Variants in PRKCA observed in about 807,000 individuals in gnomAD.
The protein encoded by PRKCA is protein kinase C alpha.
PRKCA carries 27 observed loss-of-function variants against 87.0 expected under a neutral mutation model. The ratio of observed to expected loss-of-function variants is 0.31; its 90% CI spans 0.23 to 0.43. The LOEUF (loss-of-function observed/expected upper bound fraction) is 0.43, where lower values mean the gene tolerates loss of function less well. Ranked by LOEUF, PRKCA falls within the 20% of genes least tolerant of loss-of-function variation. The pLI is 1.00. For missense variants in PRKCA, 518 were observed against 852.3 expected (o/e 0.61, Z 4.88); for synonymous variants, 329 against 311.1 (o/e 1.06, Z -0.61).
chr17:66,399,742 G>A (rs190065964), intron 2 of PRKCA, among the ~76,000 whole-genome samples: 37 of 152,264 alleles, frequency 2.4e-4, no homozygotes, highest in African/African-American at 8.4e-4. Flanking sequence ...TTCACTTAGC[G>A]TACTATCCTC....
chr17:66,624,848 G>A (rs1184856953), intron 3 of PRKCA, among the ~76,000 whole-genome samples: 1 of 151,606 alleles, frequency 6.6e-6, no homozygotes, highest in Non-Finnish European at 1.5e-5. Context: ...GCAAATAATT[G>A]CATCATTAGA....
chr17:66,735,730 C>T, intron 10 of PRKCA, 68 bp downstream of exon 10: 1 of 1,530,436 alleles, frequency 6.5e-7, no homozygotes, highest in South Asian at 1.2e-5. Flanking sequence ...CCCAAAGCTT[C>T]TTAGCATCCT....
intron 2 of PRKCA, among the ~76,000 whole-genome samples, chr17:66,462,925 A>AACACACACAC (rs58085398): frequency 1.1e-4 from 16 of 147,656 alleles, no homozygotes; most frequent in African/African-American, 3.0e-4. Flanking sequence ...CACACATGCA[A>AACACACACAC]ACACACACAC....
At chr17:66,497,672 A>G (rs1362978077) in intron 3 of PRKCA, among the ~76,000 whole-genome samples, 1 of 152,240 alleles carries the variant, frequency 6.6e-6, no homozygotes. Flanking sequence ...TTGCTTGATC[A>G]GTTTAGTCAC....
At chr17:66,345,436 C>A (rs1236505477) in intron 2 of PRKCA, among the ~76,000 whole-genome samples, 1 of 152,110 alleles carries the variant, frequency 6.6e-6, no homozygotes, top group Non-Finnish European at 1.5e-5. Context: ...TTATATATGC[C>A]ATCACTTGCC....
At chr17:66,698,856 C>G (rs1972993675) in intron 8 of PRKCA, among the ~76,000 whole-genome samples, 2 of 150,510 alleles carry the variant, frequency 1.3e-5, no homozygotes, top group Admixed American at 1.3e-4. Flanking sequence ...TGGTGCATGC[C>G]TGTAGTGCCA....
chr17:66,605,722 G>A (rs1273288839), intron 3 of PRKCA, among the ~76,000 whole-genome samples: 2 of 152,168 alleles, frequency 1.3e-5, no homozygotes, highest in African/African-American at 2.4e-5. Flanking sequence ...TGATATATTC[G>A]TGCAGTTGAA....
chr17:66,627,813 C>A (rs111374219), intron 3 of PRKCA, among the ~76,000 whole-genome samples: 4 of 152,226 alleles, frequency 2.6e-5, no homozygotes, highest in South Asian at 2.1e-4. Context: ...GTATCCCCCC[C>A]CAAAAAATTG....
intron 3 of PRKCA, among the ~76,000 whole-genome samples, chr17:66,631,018 C>T (rs1970996256): frequency 6.6e-6 from 1 of 152,092 alleles, no homozygotes. Context: ...AATGATGACA[C>T]CATTTCCAAG....
chr17:66,699,445 C>T (rs1199948577), intron 8 of PRKCA, among the ~76,000 whole-genome samples: 2 of 152,104 alleles, frequency 1.3e-5, no homozygotes, highest in Non-Finnish European at 2.9e-5. Context: ...GAATAAATTT[C>T]TAGAAACATA....
rs1247973072 is a variant in PRKCA at position 66,306,099 on chromosome 17, G to A, written c.177G>A (p.Gly59=). 1 of 1,611,686 alleles carries A rather than the reference G, an allele frequency of 6.2e-7. No homozygotes were observed. The part of the protein sequence containing the change: ...FCSHCTDFIW[G]FGKQGFQCQV... ...TGTTCTTGTTTTTGTTTTTCAGGGG[G>A]TTTGGGAAACAAGGCTTCCAGTGCC... The change falls in exon 2 of 17, where the codon GGG becomes GGA. Residue 59 remains glycine, a synonymous_variant. Transcript: ENST00000413366.
intron 5 of PRKCA, among the ~76,000 whole-genome samples, chr17:66,675,780 C>G (rs1372271172): frequency 6.6e-6 from 1 of 152,188 alleles, no homozygotes; most frequent in African/African-American, 2.4e-5. Flanking sequence ...GCCTGGGCCC[C>G]TTCTCCTGAA....
At chr17:66,667,867 C>A (rs139885612) in intron 5 of PRKCA, among the ~76,000 whole-genome samples, 3 of 152,152 alleles carry the variant, frequency 2.0e-5, no homozygotes, top group Non-Finnish European at 2.9e-5. Flanking sequence ...GATTGAATTG[C>A]GGTAACCAGT....
At chr17:66,469,155 C>G (rs181725558) in intron 2 of PRKCA, among the ~76,000 whole-genome samples, 3 of 152,174 alleles carry the variant, frequency 2.0e-5, no homozygotes, top group Non-Finnish European at 1.5e-5. Context: ...TTCACCATCT[C>G]GAGAACACTG....
chr17:66,569,748 C>T (rs1035139480), intron 3 of PRKCA, among the ~76,000 whole-genome samples: 5 of 152,116 alleles, frequency 3.3e-5, no homozygotes, highest in African/African-American at 9.7e-5. Context: ...CACCAGCAGT[C>T]GTAAGAAAGA....
intron 5 of PRKCA, among the ~76,000 whole-genome samples, chr17:66,680,971 G>A (rs933979902): frequency 6.6e-6 from 1 of 152,228 alleles, no homozygotes; most frequent in East Asian, 1.9e-4. Flanking sequence ...GCTCAGGCCT[G>A]TAATCCGAGC....
chr17:66,429,809 A>C (rs1913008272), intron 2 of PRKCA, among the ~76,000 whole-genome samples: 2 of 152,202 alleles, frequency 1.3e-5, no homozygotes, highest in Non-Finnish European at 2.9e-5. Context: ...AATGTGACGG[A>C]TAGGAAGAAG....
rs371047364 is a variant in PRKCA at position 66,803,543 on chromosome 17, C to T, written c.1855-330C>T. Among the ~76,000 whole-genome samples the T allele has an allele frequency of 4.1e-4, 62 of 152,342 alleles. No homozygotes were observed. The highest frequency in any genetic ancestry group is 2.3e-3 in the East Asian group (12 of 5,172). On this transcript the variant is annotated intron_variant, in intron 16 of 16. Transcript: ENST00000413366. This position sits in a 1 kb window ranked among gnomAD's most constrained non-coding sequence, Gnocchi z 4.4. ...GAGCTGTGACTGACGGCCCTGCGTGCGTGGCTTCCGTGCTCTCAGCTCCGC... is the reference window on the plus strand; with the variant it reads ...GAGCTGTGACTGACGGCCCTGCGTGTGTGGCTTCCGTGCTCTCAGCTCCGC...
intron 3 of PRKCA, among the ~76,000 whole-genome samples, chr17:66,584,729 C>G (rs1158540649): frequency 1.9e-4 from 29 of 152,154 alleles, no homozygotes; most frequent in Admixed American, 1.9e-3. Flanking sequence ...CTTCACACGG[C>G]CTTCTTCCCT....
Sources: allele counts gnomAD v4.1 joint callset (sites outside exome capture counted in the v4.1 genomes callset), GRCh38; gene constraint gnomAD v4.1.1; non-coding constraint Gnocchi (gnomAD v3.1); transcripts MANE v1.5; gene names NCBI Gene and HGNC (gene_info 2026-07-23, HGNC 2026-07-21).